ARHGAP35: variants seen among roughly 807,000 people sequenced by gnomAD.
ARHGAP35 encodes Rho GTPase activating protein 35.
In ARHGAP35, 15 loss-of-function variants were observed where a neutral mutation model predicts 111.1. The ratio of observed to expected loss-of-function variants is 0.13; its 90% CI spans 0.09 to 0.21. The LOEUF (loss-of-function observed/expected upper bound fraction) is 0.21, where lower values mean the gene tolerates loss of function less well. Among genes scored for constraint, ARHGAP35 ranks in the 10% least tolerant of loss-of-function variants. The pLI is 1.00. For missense variants in ARHGAP35, 1,262 were observed against 1,873.0 expected (o/e 0.67, Z 6.02); for synonymous variants, 643 against 710.3 (o/e 0.91, Z 1.51).
Position 47,002,695 on chromosome 19 carries a change from C to T in ARHGAP35, c.*2007C>T, listed in dbSNP as rs1157759730. The T allele has an allele frequency of 1.4e-5, 2 of 145,382 alleles. No individual in the cohort carries two copies. Among genetic ancestry groups the T allele is most frequent in the East Asian group, 1.9e-4 (1 of 5,172 alleles). The allele number at this position is 145,382 out of a possible 1,614,324, so 9.0% of individuals were successfully genotyped here. ...TTATGCTCACCTGGTCAGCTCCTCA[C>T]GTAATTGGGGGTGGAGGGAAAGCAT... On this transcript the variant is annotated 3_prime_UTR_variant, in exon 7 of 7. Coordinates refer to ENST00000672722, the MANE Select transcript of ARHGAP35 (RefSeq NM_004491.5).
Position 46,999,051 on chromosome 19 carries a change from G to A in ARHGAP35, c.4037-253G>A. On this transcript the variant is annotated intron_variant, in intron 5 of 6. Coordinates refer to ENST00000672722, the MANE Select transcript of ARHGAP35 (RefSeq NM_004491.5). This position sits in a 1 kb window ranked among gnomAD's most constrained non-coding sequence, Gnocchi z 5.4. ...TCCAGATTGTTCTGTCTTGGGTGGT[G>A]GGGGCCAGGAAGCCCCAGGCACACA... 1 of 505,908 alleles carries A rather than the reference G, an allele frequency of 2.0e-6. No individual in the cohort carries two copies. The highest frequency in any genetic ancestry group is 5.2e-4 in the Middle Eastern group (1 of 1,920). The allele number at this position is 505,908 out of a possible 1,614,324, so 31.3% of individuals were successfully genotyped here.
intron 3 of ARHGAP35, among the ~76,000 whole-genome samples, chr19:46,965,131 G>A (rs2056505805): frequency 6.6e-6 from 1 of 152,152 alleles, no homozygotes; most frequent in African/African-American, 2.4e-5. Flanking sequence ...TGGCCAACAT[G>A]GTGAAACCCC....
chr19:46,907,391 C>T (rs2056114629), intron 1 of ARHGAP35, among the ~76,000 whole-genome samples: 1 of 152,054 alleles, frequency 6.6e-6, no homozygotes, highest in Non-Finnish European at 1.5e-5. Flanking sequence ...ACCTCGTGAT[C>T]CGCCCGCCTC....
chr19:46,965,187 C>A (rs1230477677), intron 3 of ARHGAP35, among the ~76,000 whole-genome samples: 1 of 152,116 alleles, frequency 6.6e-6, no homozygotes, highest in Admixed American at 6.5e-5. Context: ...GTGACAGGTG[C>A]CTGTAATCCC....
Position 46,918,205 on chromosome 19 carries a change from C to T in ARHGAP35, c.-188-283C>T, listed in dbSNP as rs555439339. On this transcript the variant is annotated intron_variant, in intron 1 of 6. Transcript: ENST00000672722. This position sits in a 1 kb window ranked among gnomAD's most constrained non-coding sequence, Gnocchi z 5.4. Reference sequence around the variant, plus strand: ...ATTTTGTCCCTATCCTGCCCTAACCCTGGAATCAGCCCTTTTTCCAGGGAG... The same window carrying T: ...ATTTTGTCCCTATCCTGCCCTAACCTTGGAATCAGCCCTTTTTCCAGGGAG... Among the ~76,000 whole-genome samples, 4 of 152,222 alleles carry T rather than the reference C, an allele frequency of 2.6e-5. No homozygotes were observed. Among genetic ancestry groups the T allele is most frequent in the African/African-American group, 9.6e-5 (4 of 41,510 alleles).
At chr19:46,990,513 T>C (rs2056674238) in intron 5 of ARHGAP35, among the ~76,000 whole-genome samples, 1 of 152,234 alleles carries the variant, frequency 6.6e-6, no homozygotes. Context: ...CAGCCCTTGC[T>C]GTGCAGCTGC....
At chr19:46,905,112 G>A (rs552268199) in intron 1 of ARHGAP35, among the ~76,000 whole-genome samples, 1 of 152,194 alleles carries the variant, frequency 6.6e-6, no homozygotes, top group African/African-American at 2.4e-5. Context: ...AGATTACAAG[G>A]CTCTTTCTGA....
intron 3 of ARHGAP35, among the ~76,000 whole-genome samples, chr19:46,967,779 C>T (rs1035861645): frequency 6.6e-6 from 1 of 152,226 alleles, no homozygotes; most frequent in African/African-American, 2.4e-5. Flanking sequence ...GTTCCTTAAG[C>T]TGCCATTATA....
At chr19:46,875,272 T>C (rs1207290300) in intron 1 of ARHGAP35, among the ~76,000 whole-genome samples, 5 of 152,174 alleles carry the variant, frequency 3.3e-5, no homozygotes, top group African/African-American at 9.7e-5. Context: ...TTCAAGGAGG[T>C]TGGCGTTCAG....
intron 1 of ARHGAP35, among the ~76,000 whole-genome samples, chr19:46,867,050 A>G (rs1050578032): frequency 2.6e-5 from 4 of 152,220 alleles, no homozygotes; most frequent in African/African-American, 9.6e-5. Context: ...TCTATAAAGA[A>G]TTCTTGAAGA....
intron 1 of ARHGAP35, among the ~76,000 whole-genome samples, chr19:46,912,393 C>T (rs113530870): frequency 7.1e-6 from 1 of 141,720 alleles, no homozygotes; most frequent in African/African-American, 2.7e-5. Flanking sequence ...CTTGCTCTGT[C>T]GCCCAGGCTG....
In ARHGAP35 at chr19:46,921,064, G is replaced by A. The variant is rs2122197901; in HGVS notation, c.2389G>A (p.Asp797Asn). The A allele has an allele frequency of 1.9e-6, 3 of 1,613,968 alleles. No individual in the cohort carries two copies. Among genetic ancestry groups the A allele is most frequent in the East Asian group, 2.2e-5 (1 of 44,892 alleles). Residue 797 changes from aspartate (D) to asparagine (N), a missense_variant, in exon 2 of 7, where the codon GAT becomes AAT. Around this residue, in one of 8 missense-constraint regions of ARHGAP35, gnomAD observed 579 missense variants for 716.9 expected, o/e 0.81. Transcript: ENST00000672722. This position sits in a 1 kb window ranked among gnomAD's most constrained non-coding sequence, Gnocchi z 4.3. ...CLMCGDPFSA[D>N]DILFPVLQSQ... is the part of the protein sequence containing the mutation. The stretch of plus-strand genomic sequence containing the variant: ...GATGTGTGGAGATCCTTTTAGTGCA[G>A]ATGACATACTTTTTCCTGTCCTTCA...
rs767250329 is a variant in ARHGAP35, at chr19:46,956,956, C to CCTT, written c.3826+19548_3826+19549insCTT. Among the ~76,000 whole-genome samples, 1,029 of 107,550 alleles carry CCTT rather than the reference C, an allele frequency of 9.6e-3. 16 individuals carry two copies. Among genetic ancestry groups the CCTT allele is most frequent in the African/African-American group, 0.033 (901 of 27,354 alleles). The allele number at this position is 107,550 out of a possible 152,430, so 70.6% of individuals were successfully genotyped here. Reference sequence around the variant, plus strand: ...TATCATTAGCTGTTCTTAAAGCAGACTTTTTTTTTTTTTTTTTTTTTGAGA... The same window carrying CCTT: ...TATCATTAGCTGTTCTTAAAGCAGACCTTTTTTTTTTTTTTTTTTTTTTTGAGA... On this transcript the variant is annotated intron_variant, in intron 3 of 6. Transcript: ENST00000672722.
At chr19:46,965,427 G>C (rs2056508696) in intron 3 of ARHGAP35, among the ~76,000 whole-genome samples, 1 of 152,120 alleles carries the variant, frequency 6.6e-6, no homozygotes, top group African/African-American at 2.4e-5. Flanking sequence ...TTAATAGCTG[G>C]TAAAATTCAA....
In ARHGAP35 at chr19:46,989,122, G is replaced by T. The variant is rs977826091; in HGVS notation, c.3905-422G>T. The T allele has an allele frequency of 3.4e-5, 6 of 176,784 alleles. No individual in the cohort carries two copies. Among genetic ancestry groups the T allele is most frequent in the African/African-American group, 1.4e-4 (6 of 42,810 alleles). 11.0% of individuals were successfully genotyped at this position (176,784 alleles called of 1,614,324 possible). A position where few individuals can be genotyped will look rare whatever the true frequency, so the allele number is the denominator to read the frequency against. On this transcript the variant is annotated intron_variant, in intron 4 of 6. Transcript: ENST00000672722. The surrounding 1 kb of genome is among the most constrained non-coding windows in gnomAD (Gnocchi z 5.3). ...CCCTCCCACCATAGGGGACAAGGATGGAGGCAGCAGTCACAGTGGTTGCTA... is the reference window on the plus strand; with the variant it reads ...CCCTCCCACCATAGGGGACAAGGATTGAGGCAGCAGTCACAGTGGTTGCTA...
chr19:46,958,118 C>T (rs1034158842), intron 3 of ARHGAP35, among the ~76,000 whole-genome samples: 16 of 151,770 alleles, frequency 1.1e-4, no homozygotes, highest in Non-Finnish European at 4.4e-5. Flanking sequence ...GCACGGTGGC[C>T]CAAGCCTGTA....
chr19:46,955,976 C>T (rs1418653713), intron 3 of ARHGAP35, among the ~76,000 whole-genome samples: 1 of 152,214 alleles, frequency 6.6e-6, no homozygotes, highest in South Asian at 2.1e-4. Context: ...TTTTCAGCAC[C>T]AACATGATTC....
chr19:46,905,632 C>T (rs1162987209), intron 1 of ARHGAP35, among the ~76,000 whole-genome samples: 1 of 151,946 alleles, frequency 6.6e-6, no homozygotes, highest in African/African-American at 2.4e-5. Flanking sequence ...TCACTGCAAC[C>T]TCCACCTCCC....
intron 1 of ARHGAP35, among the ~76,000 whole-genome samples, chr19:46,909,523 A>G (rs751588633): frequency 2.0e-5 from 3 of 152,138 alleles, no homozygotes; most frequent in Non-Finnish European, 4.4e-5. Flanking sequence ...ATAGGCAAAC[A>G]CTGAAATCAG....
Sources: allele counts gnomAD v4.1 joint callset (sites outside exome capture counted in the v4.1 genomes callset), GRCh38; gene constraint gnomAD v4.1.1; regional missense constraint gnomAD v4.1.1; non-coding constraint Gnocchi (gnomAD v3.1); transcripts MANE v1.5; gene names NCBI Gene and HGNC (gene_info 2026-07-23, HGNC 2026-07-21).